AGBL1: variants seen among roughly 807,000 people sequenced by gnomAD.
The protein encoded by AGBL1 is AGBL carboxypeptidase 1, also known as cytosolic carboxypeptidase 4.
A neutral mutation model predicts 118.9 loss-of-function variants in AGBL1; 130 were observed. The observed-to-expected ratio is 1.09, with a 90% confidence interval of 0.95 to 1.26. The LOEUF is 1.26. Ranked by LOEUF, AGBL1 falls within the 50% of genes most tolerant of loss-of-function variation. The probability of loss-of-function intolerance (pLI) is 0.00; values close to 1 mark genes in which losing one functional copy is unlikely to be tolerated. For synonymous variants in AGBL1, 555 were observed against 478.9 expected (o/e 1.16, Z -2.08); for missense variants, 1,584 against 1,298.1 (o/e 1.22, Z -3.38).
intron 17 of AGBL1, among the ~76,000 whole-genome samples, chr15:86,343,258 G>A (rs1275783912): frequency 6.6e-6 from 1 of 152,146 alleles, no homozygotes; most frequent in Non-Finnish European, 1.5e-5. Flanking sequence ...ATTAGATAAA[G>A]GGAGGAAGAG....
At chr15:87,003,598 A>G (rs1043336199) in intron 24 of AGBL1, among the ~76,000 whole-genome samples, 2 of 152,098 alleles carry the variant, frequency 1.3e-5, no homozygotes, top group Admixed American at 6.5e-5. Context: ...CTGTGAATCC[A>G]TCTGGTCCTG....
At chr15:86,919,789 G>A (rs1404128679), downstream of AGBL1, among the ~76,000 whole-genome samples, 3 of 152,196 alleles carry the variant, frequency 2.0e-5, no homozygotes, top group Non-Finnish European at 4.4e-5. Context: ...AATACCTTGT[G>A]CCAGATGATA....
chr15:86,637,616 C>A (rs1255184448), intron 21 of AGBL1, among the ~76,000 whole-genome samples: 1 of 152,126 alleles, frequency 6.6e-6, no homozygotes, highest in Non-Finnish European at 1.5e-5. Context: ...GAAAGCAGTA[C>A]TAGCAAAGGC....
intron 18 of AGBL1, among the ~76,000 whole-genome samples, chr15:86,512,837 A>G (rs2083069532): frequency 6.6e-6 from 1 of 151,430 alleles, no homozygotes; most frequent in Non-Finnish European, 1.5e-5. Flanking sequence ...ACTAGGTTTT[A>G]TTTACAAAAT....
intron 23 of AGBL1, among the ~76,000 whole-genome samples, chr15:86,956,284 G>GGAT (rs1235420524): frequency 1.3e-5 from 2 of 151,842 alleles, no homozygotes; most frequent in African/African-American, 4.8e-5. Context: ...TAGAGATGAT[G>GGAT]GATGATATAG....
intron 7 of AGBL1, among the ~76,000 whole-genome samples, chr15:86,250,138 T>G (rs2078787403): frequency 6.6e-6 from 1 of 152,112 alleles, no homozygotes; most frequent in African/African-American, 2.4e-5. Flanking sequence ...GACACATCTG[T>G]CACCTGGAAG....
At chr15:86,956,740 CAT>C (rs1166634426) in intron 23 of AGBL1, among the ~76,000 whole-genome samples, 2 of 152,038 alleles carry the variant, frequency 1.3e-5, no homozygotes, top group African/African-American at 2.4e-5. Flanking sequence ...CAAGTTGACA[CAT>C]AAAATTAATC....
intron 18 of AGBL1, among the ~76,000 whole-genome samples, chr15:86,450,571 A>G (rs1181870556): frequency 6.6e-6 from 1 of 152,244 alleles, no homozygotes; most frequent in Non-Finnish European, 1.5e-5. Context: ...AGGCCGGAGA[A>G]TGACTACTTA....
chr15:86,214,334 A>T (rs2078150243), intron 5 of AGBL1, among the ~76,000 whole-genome samples: 1 of 152,206 alleles, frequency 6.6e-6, no homozygotes. Flanking sequence ...TAAGAGTTCA[A>T]CTAAGTGTGT....
At chr15:86,777,338 T>C (rs1016982733) in intron 22 of AGBL1, among the ~76,000 whole-genome samples, 4 of 152,058 alleles carry the variant, frequency 2.6e-5, no homozygotes, top group African/African-American at 7.2e-5. Context: ...TACACAATTA[T>C]ATTAAAATAA....
chr15:86,987,291 A>G (rs1341780165), intron 23 of AGBL1, among the ~76,000 whole-genome samples: 1 of 152,180 alleles, frequency 6.6e-6, no homozygotes, highest in Non-Finnish European at 1.5e-5. Context: ...TTTTTGCATT[A>G]CATTTACAAT....
chr15:86,086,272 G>A (rs1189407263), intron 1 of AGBL1: 1 of 152,168 alleles, frequency 6.6e-6, no homozygotes, highest in Non-Finnish European at 1.5e-5. Context: ...TGTGGAACAG[G>A]CAGCTATGAA....
chr15:87,013,594 G>C (rs1192398308), intron 24 of AGBL1, among the ~76,000 whole-genome samples: 1 of 151,976 alleles, frequency 6.6e-6, no homozygotes, highest in South Asian at 2.1e-4. Context: ...AGTAGGAAGG[G>C]TTCCAAGACC....
At chr15:86,772,227 C>T (rs1035541341) in intron 22 of AGBL1, among the ~76,000 whole-genome samples, 1 of 151,958 alleles carries the variant, frequency 6.6e-6, no homozygotes, top group Non-Finnish European at 1.5e-5. Context: ...GGGAACCTGA[C>T]CCAGACTTGG....
intron 21 of AGBL1, among the ~76,000 whole-genome samples, chr15:86,580,498 G>T (rs2084158334): frequency 7.8e-6 from 1 of 128,548 alleles, no homozygotes. Flanking sequence ...TCTAGACTTT[G>T]TTACATGCAT....
chr15:86,528,316 G>A (rs936152509), intron 19 of AGBL1, among the ~76,000 whole-genome samples: 1 of 152,230 alleles, frequency 6.6e-6, no homozygotes, highest in Non-Finnish European at 1.5e-5. Context: ...GGGTCAGGGA[G>A]TTCCCTCTCC....
chr15:86,673,311 AAG>A (rs1158803372), intron 21 of AGBL1, among the ~76,000 whole-genome samples: 2 of 152,158 alleles, frequency 1.3e-5, no homozygotes, highest in Non-Finnish European at 2.9e-5. Context: ...TCAAGGCAAA[AAG>A]AGTTCGCTGA....
chr15:86,324,761 A>AT (rs1233662789), intron 17 of AGBL1, among the ~76,000 whole-genome samples: 4 of 152,318 alleles, frequency 2.6e-5, no homozygotes, highest in Admixed American at 2.6e-4. Flanking sequence ...TTAGAACAGG[A>AT]TGGCCTCTTT....
At chr15:86,378,382 C>T (rs552897289) in intron 17 of AGBL1, among the ~76,000 whole-genome samples, 1 of 152,130 alleles carries the variant, frequency 6.6e-6, no homozygotes, top group East Asian at 1.9e-4. Flanking sequence ...TTTTTCCCTT[C>T]CCATCGGCCT....
Sources: gnomAD v4.1 joint callset for allele counts (sites outside exome capture counted in the v4.1 genomes callset) on GRCh38, gnomAD v4.1.1 for gene constraint, MANE v1.5 for transcripts, NCBI Gene and HGNC (gene_info 2026-07-23, HGNC 2026-07-21) for gene names.